Variants in NTRK3 observed in about 807,000 individuals in gnomAD.
NTRK3 encodes NT-3 growth factor receptor.
A neutral mutation model predicts 91.7 loss-of-function variants in NTRK3; 24 were observed. The ratio of observed to expected loss-of-function variants is 0.26; its 90% confidence interval spans 0.19 to 0.37. The LOEUF (loss-of-function observed/expected upper bound fraction) is 0.37. Ranked by LOEUF, NTRK3 falls within the 10% of genes least tolerant of loss-of-function variation. The probability of loss-of-function intolerance (pLI) is 1.00; values close to 1 mark genes in which losing one functional copy is unlikely to be tolerated. For synonymous variants in NTRK3, 483 were observed against 404.0 expected (o/e 1.20, Z -2.34); for missense variants, 880 against 1,068.9 (o/e 0.82, Z 2.46).
At chr15:88,013,999 T>A (rs573858214) in intron 14 of NTRK3, among the ~76,000 whole-genome samples, 1 of 152,294 alleles carries the variant, frequency 6.6e-6, no homozygotes, top group East Asian at 1.9e-4. Context: ...AGGAAGCCAG[T>A]GCAGCAAAGT....
At chr15:88,051,066 C>T (rs1227263899) in intron 13 of NTRK3, among the ~76,000 whole-genome samples, 2 of 152,146 alleles carry the variant, frequency 1.3e-5, no homozygotes, top group South Asian at 2.1e-4. Flanking sequence ...ATTCAAAGAC[C>T]GTGGTCATCT....
At chr15:88,156,522 G>A (rs920722228) in intron 5 of NTRK3, among the ~76,000 whole-genome samples, 4 of 149,968 alleles carry the variant, frequency 2.7e-5, no homozygotes, top group African/African-American at 7.4e-5. Context: ...AAATGGCATC[G>A]CCCTGTTGGC....
At chr15:87,891,683 T>G (rs1205889867) in intron 17 of NTRK3, among the ~76,000 whole-genome samples, 1 of 152,206 alleles carries the variant, frequency 6.6e-6, no homozygotes, top group East Asian at 1.9e-4. Context: ...TTTATAGCTG[T>G]AGAGGATTCC....
At chr15:88,163,798 CATCT>C (rs2044683978) in intron 5 of NTRK3, among the ~76,000 whole-genome samples, 1 of 152,194 alleles carries the variant, frequency 6.6e-6, no homozygotes, top group Admixed American at 6.5e-5. Context: ...TCCCAGCTCA[CATCT>C]ATTATCCTGG....
intron 17 of NTRK3, among the ~76,000 whole-genome samples, chr15:87,901,414 T>C (rs1370013014): frequency 6.6e-6 from 1 of 152,220 alleles, no homozygotes; most frequent in Non-Finnish European, 1.5e-5. Flanking sequence ...TTTCTCAGGG[T>C]CACCTAGTGG....
chr15:88,089,196 T>C (rs1035592552), intron 13 of NTRK3, among the ~76,000 whole-genome samples: 1 of 152,172 alleles, frequency 6.6e-6, no homozygotes, highest in Admixed American at 6.5e-5. Context: ...CATGCCTGCA[T>C]TCAAATCCTG....
intron 13 of NTRK3, among the ~76,000 whole-genome samples, chr15:88,073,525 A>C (rs1392964830): frequency 1.3e-5 from 2 of 152,288 alleles, no homozygotes; most frequent in Admixed American, 1.3e-4. Flanking sequence ...GCCAGTTTAC[A>C]TCCTGCCGCC....
intron 13 of NTRK3, among the ~76,000 whole-genome samples, chr15:88,036,376 C>A (rs1207430154): frequency 6.6e-6 from 1 of 151,656 alleles, no homozygotes; most frequent in Non-Finnish European, 1.5e-5. Context: ...CAGAGCAATT[C>A]CTTCAACATT....
At chr15:88,076,617 G>A (rs1022994144) in intron 13 of NTRK3, among the ~76,000 whole-genome samples, 1 of 146,332 alleles carries the variant, frequency 6.8e-6, no homozygotes, top group South Asian at 2.2e-4. Flanking sequence ...CAGGGAACTT[G>A]TCTTCACAGA....
At chr15:88,106,975 G>A (rs1298916438) in intron 13 of NTRK3, among the ~76,000 whole-genome samples, 3 of 151,360 alleles carry the variant, frequency 2.0e-5, no homozygotes. Context: ...TAGATACTCA[G>A]GTACAGATCT....
intron 3 of NTRK3, among the ~76,000 whole-genome samples, chr15:88,239,750 CT>C (rs1406239702): frequency 3.9e-5 from 6 of 152,080 alleles, no homozygotes; most frequent in African/African-American, 1.5e-4. Context: ...AGGATGCAGG[CT>C]TTTTGCAGTC....
intron 5 of NTRK3, among the ~76,000 whole-genome samples, chr15:88,172,691 A>G (rs7167990): frequency 0.075 from 11,409 of 152,248 alleles, 970 homozygotes; most frequent in African/African-American, 0.21. Context: ...GCAGTGGGCC[A>G]GCAGGTGAGG....
intron 14 of NTRK3, among the ~76,000 whole-genome samples, chr15:87,959,600 C>T (rs867168032): frequency 6.6e-6 from 1 of 152,192 alleles, no homozygotes. Context: ...CAGCAAATAC[C>T]TAAACGTTTA....
chr15:88,219,958 C>G (rs1344090174), intron 3 of NTRK3, among the ~76,000 whole-genome samples: 1 of 152,164 alleles, frequency 6.6e-6, no homozygotes, highest in Non-Finnish European at 1.5e-5. Flanking sequence ...GCCCGCACCC[C>G]CTCCTCTCTT....
In NTRK3 at chr15:87,916,612, CTA is replaced by C. The variant is rs1402510911; in HGVS notation, c.2133+12577_2133+12578del. The C allele has an allele frequency of 1.3e-5, 9 of 701,706 alleles. 1 individual carries two copies. The highest frequency in any genetic ancestry group is 2.1e-5 in the Non-Finnish European group (8 of 384,556). The allele number at this position is 701,706 out of a possible 1,614,324, so 43.5% of individuals were successfully genotyped here. On this transcript the variant is annotated intron_variant, in intron 17 of 18. Coordinates refer to ENST00000394480, the Ensembl canonical transcript of NTRK3. ...ATTTCTAAACTGCAGAGAGAAGAGACTAAGTTTAGGAGATAACTAGAAACCAC... is the reference window on the plus strand; with the variant it reads ...ATTTCTAAACTGCAGAGAGAAGAGACAGTTTAGGAGATAACTAGAAACCAC...
At chr15:87,986,822 A>G (rs973486688) in intron 14 of NTRK3, among the ~76,000 whole-genome samples, 1 of 152,258 alleles carries the variant, frequency 6.6e-6, no homozygotes, top group African/African-American at 2.4e-5. Context: ...CCAGATAGAA[A>G]ATATTTTAGG....
At position 87,874,210 on chromosome 15, in the gene NTRK3, CT is replaced by C. The variant is rs558697890; in HGVS notation, c.*2724del. Reference sequence around the variant, plus strand: ...GCCTCCTTTACTCTCCAAAATAAATCTTTTTTTTTTAATCTGCCAAGGCTAA... The same window carrying C: ...GCCTCCTTTACTCTCCAAAATAAATCTTTTTTTTTAATCTGCCAAGGCTAA... On this transcript the variant is annotated 3_prime_UTR_variant, in exon 19 of 19. Coordinates refer to ENST00000394480, the Ensembl canonical transcript of NTRK3. 2.1e-3 allele frequency: 413 copies of C among 200,894 alleles called. 1 individual carries two copies. Among genetic ancestry groups the C allele is most frequent in the African/African-American group, 6.0e-3 (242 of 40,132 alleles). The allele number at this position is 200,894 out of a possible 1,614,324, so 12.4% of individuals were successfully genotyped here.
At chr15:88,256,728 A>C in exon 1 of NTRK3, 1 of 350,066 alleles carries the variant, frequency 2.9e-6, no homozygotes, top group Non-Finnish European at 5.1e-6. Context: ...GGCTGCAGAA[A>C]TGTACAAGTG....
intron 3 of NTRK3, among the ~76,000 whole-genome samples, chr15:88,188,106 T>G (rs1011867565): frequency 6.6e-6 from 1 of 152,130 alleles, no homozygotes; most frequent in African/African-American, 2.4e-5. Flanking sequence ...AAAGAATTTA[T>G]AGCAATGCCC....
Sources: gnomAD v4.1 joint callset for allele counts (sites outside exome capture counted in the v4.1 genomes callset) on GRCh38, gnomAD v4.1.1 for gene constraint, MANE v1.5 for transcripts, NCBI Gene and HGNC (gene_info 2026-07-23, HGNC 2026-07-21) for gene names.